Variants in ZNF175 observed in about 807,000 individuals in gnomAD.
ZNF175 encodes the protein zinc finger protein OTK18.
A neutral mutation model predicts 14.0 loss-of-function variants in ZNF175; 8 were observed. The ratio of observed to expected loss-of-function variants is 0.57; its 90% CI spans 0.34 to 1.03. ZNF175 has a LOEUF of 1.03. Ranked by LOEUF, ZNF175 falls within the 50% of genes least tolerant of loss-of-function variation. ZNF175 has a pLI of 0.03. For synonymous variants in ZNF175, 255 were observed against 296.8 expected (o/e 0.86, Z 1.45); for missense variants, 764 against 849.5 (o/e 0.90, Z 1.25).
At chr19:51,585,745 T>C (rs957397499) in intron 4 of ZNF175, among the ~76,000 whole-genome samples, 14 of 152,168 alleles carry the variant, frequency 9.2e-5, no homozygotes, top group African/African-American at 3.1e-4. Context: ...GGGACTCTTA[T>C]TCTTGGCAAA....
At chr19:51,575,216 T>TG (rs1186123103) in intron 2 of ZNF175, among the ~76,000 whole-genome samples, 10 of 134,706 alleles carry the variant, frequency 7.4e-5, no homozygotes, top group East Asian at 2.0e-4. Context: ...GAGGTTTTTT[T>TG]TTTTTTTTTT....
chr19:51,588,244 T>C lies in ZNF175; in HGVS notation c.1913T>C (p.Met638Thr), dbSNP rs761524343. Residue 638 changes from methionine (M) to threonine (T), a missense_variant, in exon 5 of 5, where the codon ATG becomes ACG. By Grantham distance (81) the Met-to-Thr change is moderately conservative. Coordinates refer to ENST00000262259, the MANE Select transcript of ZNF175 (RefSeq NM_007147.4). ...SELITHQRTHMGEKPYECLDC... is the reference protein window; with the variant it reads ...SELITHQRTHTGEKPYECLDC... ...TTGATTACCCATCAAAGAACTCACATGGGAGAGAAACCCTATGAATGCCTT... is the reference window on the plus strand; with the variant it reads ...TTGATTACCCATCAAAGAACTCACACGGGAGAGAAACCCTATGAATGCCTT... The C allele has an allele frequency of 1.2e-6, 2 of 1,614,000 alleles. No homozygotes were observed. Among genetic ancestry groups the C allele is most frequent in the Admixed American group, 3.3e-5 (2 of 60,018 alleles).
chr19:51,581,597 A>G (rs770487790), intron 3 of ZNF175, 80 bp downstream of exon 3: 2 of 1,553,546 alleles, frequency 1.3e-6, no homozygotes, highest in Admixed American at 1.9e-5. Flanking sequence ...ACGCAGTGGG[A>G]TATCAAAGTA....
At position 51,587,552 on chromosome 19, in the gene ZNF175, T is replaced by G; in HGVS notation, c.1221T>G (p.Ile407Met). 2 of 1,614,024 alleles carry G rather than the reference T, an allele frequency of 1.2e-6. No individual in the cohort carries two copies. Among genetic ancestry groups the G allele is most frequent in the Non-Finnish European group, 1.7e-6 (2 of 1,179,994 alleles). Residue 407 changes from isoleucine to methionine, a missense_variant, in exon 5 of 5, where the codon ATT (isoleucine) becomes ATG (methionine). Physicochemically the swap from Ile to Met is conservative, Grantham distance 10 (BLOSUM62 1). Transcript: ENST00000262259. ...GKGFSQNSTLIIHQKIHTGER... is the reference protein window; with the variant it reads ...GKGFSQNSTLMIHQKIHTGER... ...GCTTCTCCCAAAACTCAACCCTCAT[T>G]ATACATCAGAAAATTCATACTGGTG...
At chr19:51,575,787 A>G (rs1284537628) in intron 2 of ZNF175, among the ~76,000 whole-genome samples, 1 of 152,216 alleles carries the variant, frequency 6.6e-6, no homozygotes, top group Admixed American at 6.5e-5. Flanking sequence ...TAATTAATTA[A>G]GAAACATGTC....
At chr19:51,575,029 T>G (rs544351997) in intron 2 of ZNF175, among the ~76,000 whole-genome samples, 1 of 152,270 alleles carries the variant, frequency 6.6e-6, no homozygotes, top group Admixed American at 6.5e-5. Context: ...TTTTGTTATT[T>G]TTATCTTTTC....
chr19:51,573,270 G>C lies in ZNF175; in HGVS notation c.-60G>C. 2.5e-6 allele frequency: 4 copies of C among 1,575,136 alleles called. No homozygotes were observed. In the South Asian group the frequency reaches 4.5e-5, roughly 18 times the overall value. On this transcript the variant is annotated 5_prime_UTR_variant, in exon 2 of 5. Transcript: ENST00000262259. Reference sequence around the variant, plus strand: ...AATCCAAACACCTATCCAGCTTCTGGCTCCTGGGAAAAGTGGAGTTGTCAG... The same window carrying C: ...AATCCAAACACCTATCCAGCTTCTGCCTCCTGGGAAAAGTGGAGTTGTCAG...
In ZNF175 at chr19:51,590,507, C is replaced by T. The variant is rs960185259; in HGVS notation, c.*2040C>T. On this transcript the variant is annotated 3_prime_UTR_variant, in exon 5 of 5. Transcript: ENST00000262259. ...TCCAGAAGGGTGTTAGAGATGGGCA[C>T]CCATGGCTTTAGTCTCCATACCCCT... 1 of 152,158 alleles carries T rather than the reference C, an allele frequency of 6.6e-6. No individual in the cohort carries two copies. The highest frequency in any genetic ancestry group is 2.4e-5 in the African/African-American group (1 of 41,398). The allele number at this position is 152,158 out of a possible 1,614,324, so 9.4% of individuals were successfully genotyped here. A position where few individuals can be genotyped will look rare whatever the true frequency, so the allele number is the denominator to read the frequency against.
chr19:51,580,349 T>C (rs1981956400), intron 2 of ZNF175, among the ~76,000 whole-genome samples: 1 of 152,212 alleles, frequency 6.6e-6, no homozygotes, highest in Admixed American at 6.5e-5. Flanking sequence ...ATAAAATTGA[T>C]GATTGGGTTC....
intron 2 of ZNF175, among the ~76,000 whole-genome samples, chr19:51,579,707 C>G (rs1187215441): frequency 6.6e-6 from 1 of 152,128 alleles, no homozygotes; most frequent in East Asian, 1.9e-4. Context: ...TAATTTTCTA[C>G]TAAAGGCGAG....
rs116244490 is a variant in ZNF175, at chr19:51,573,226, G to A, written c.-104G>A. 15,987 of 1,097,308 alleles carry A rather than the reference G, an allele frequency of 0.015. 251 individuals carry two copies. The highest frequency in any genetic ancestry group is 0.051 in the African/African-American group (3,281 of 63,958). 68.0% of individuals were successfully genotyped at this position (1,097,308 alleles called of 1,614,324 possible). A position where few individuals can be genotyped will look rare whatever the true frequency, so the allele number is the denominator to read the frequency against. On this transcript the variant is annotated 5_prime_UTR_variant, in exon 2 of 5. Coordinates refer to ENST00000262259, the MANE Select transcript of ZNF175 (RefSeq NM_007147.4). ...TCTTCATAGCCCAGTACGACTCTCCGCCGTGTCCCTGGTTGGAAAATCCAA... is the reference window on the plus strand; with the variant it reads ...TCTTCATAGCCCAGTACGACTCTCCACCGTGTCCCTGGTTGGAAAATCCAA...
At position 51,587,246 on chromosome 19, in the gene ZNF175, C is replaced by T. The variant is rs1982197473; in HGVS notation, c.915C>T (p.Asn305=). 1 of 1,613,972 alleles carries T rather than the reference C, an allele frequency of 6.2e-7. No individual in the cohort carries two copies. Among genetic ancestry groups the T allele is most frequent in the Admixed American group, 1.7e-5 (1 of 59,990 alleles). Residue 305 remains asparagine, a synonymous_variant, in exon 5 of 5, where the codon AAC becomes AAT. Coordinates refer to ENST00000262259, the MANE Select transcript of ZNF175 (RefSeq NM_007147.4). Reference sequence around the variant, plus strand: ...AACAGAGAATTCATAGTGTAGGAAACCTCCATGAATGTGGCAAATGTGGAA... The same window carrying T: ...AACAGAGAATTCATAGTGTAGGAAATCTCCATGAATGTGGCAAATGTGGAA... ...FAQQRIHSVG[N]LHECGKCGKA... is the part of the protein sequence containing the mutation.
In ZNF175 at chr19:51,575,961, C is replaced by A. The variant is rs58362329; in HGVS notation, c.72+2560C>A. 2.6e-3 allele frequency among the ~76,000 whole-genome samples: 391 copies of A among 152,238 alleles called. 16 individuals carry two copies. The East Asian group carries it at 0.044, about 17-fold the overall frequency. ...ATTCAGAGCTGCCTGTATAGACACC[C>A]TGATAACTCTCTGCCTGCATAACTT... On this transcript the variant is annotated intron_variant, in intron 2 of 4. Coordinates refer to ENST00000262259, the MANE Select transcript of ZNF175 (RefSeq NM_007147.4).
Position 51,573,360 on chromosome 19 carries a change from C to G in ZNF175, c.31C>G (p.Pro11Ala). 1.2e-6 allele frequency: 2 copies of G among 1,612,380 alleles called. No homozygotes were observed. Among genetic ancestry groups the G allele is most frequent in the Non-Finnish European group, 8.5e-7 (1 of 1,179,346 alleles). The stretch of plus-strand genomic sequence containing the variant: ...TGCTGATGTGAATTTATCCCAGAAG[C>G]CTCAGGTCCTGGGTCCAGAGAAGCA... Reference protein sequence around the residue: MPADVNLSQKPQVLGPEKQDG... With the variant: MPADVNLSQKAQVLGPEKQDG... Residue 11 changes from proline to alanine, a missense_variant, in exon 2 of 5, where the codon CCT (proline) becomes GCT (alanine). Pro to Ala is a conservative substitution (Grantham distance 27, BLOSUM62 -1). Transcript: ENST00000262259.
chr19:51,574,446 G>A (rs1046147996), intron 2 of ZNF175, among the ~76,000 whole-genome samples: 2 of 152,162 alleles, frequency 1.3e-5, no homozygotes, highest in Non-Finnish European at 2.9e-5. Flanking sequence ...AGGCCGAGGC[G>A]GGCGGATCAC....
chr19:51,588,722 G>A lies in ZNF175; in HGVS notation c.*255G>A, dbSNP rs915057258. 3.9e-5 allele frequency: 17 copies of A among 434,962 alleles called. No individual in the cohort carries two copies. Among genetic ancestry groups the A allele is most frequent in the South Asian group, 2.3e-4 (3 of 12,856 alleles). 26.9% of individuals were successfully genotyped at this position (434,962 alleles called of 1,614,324 possible). A position where few individuals can be genotyped will look rare whatever the true frequency, so the allele number is the denominator to read the frequency against. ...ATTAAGGATTATAAATTTTCTCCCCGGGAAGAAACCCTGACTAACGCATTG... is the reference window on the plus strand; with the variant it reads ...ATTAAGGATTATAAATTTTCTCCCCAGGAAGAAACCCTGACTAACGCATTG... On this transcript the variant is annotated 3_prime_UTR_variant, in exon 5 of 5. Transcript: ENST00000262259.
rs1982236246 is a variant in ZNF175 at position 51,588,159 on chromosome 19, A to G, written c.1828A>G (p.Thr610Ala). Residue 610 changes from threonine to alanine, a missense_variant, in exon 5 of 5, where the codon ACT (threonine) becomes GCT (alanine). Transcript: ENST00000262259. Reference protein sequence around the residue: ...SNFHKHQITHTRERPFVCYKC... With the variant: ...SNFHKHQITHARERPFVCYKC... ...TTTCCATAAACATCAAATAACTCACACTAGAGAGAGGCCTTTTGTCTGTTA... is the reference window on the plus strand; with the variant it reads ...TTTCCATAAACATCAAATAACTCACGCTAGAGAGAGGCCTTTTGTCTGTTA... 6.2e-7 allele frequency: 1 copy of G among 1,614,136 alleles called. No homozygotes were observed.
At chr19:51,580,766 T>A (rs1294496781) in intron 2 of ZNF175, among the ~76,000 whole-genome samples, 1 of 152,196 alleles carries the variant, frequency 6.6e-6, no homozygotes, top group Non-Finnish European at 1.5e-5. Context: ...GAATTCACAG[T>A]GTTTTCCTAC....
chr19:51,574,846 A>G (rs554141075), intron 2 of ZNF175, among the ~76,000 whole-genome samples: 1 of 151,920 alleles, frequency 6.6e-6, no homozygotes, highest in Non-Finnish European at 1.5e-5. Flanking sequence ...TAACAATGAA[A>G]TTTTTTTTCT....
Sources: allele counts gnomAD v4.1 joint callset (sites outside exome capture counted in the v4.1 genomes callset), GRCh38; gene constraint gnomAD v4.1.1; transcripts MANE v1.5; gene names NCBI Gene and HGNC (gene_info 2026-07-23, HGNC 2026-07-21).